CD163: variants seen among roughly 807,000 people sequenced by gnomAD.
CD163 encodes CD163 molecule.
In CD163, 64 loss-of-function variants were observed where a neutral mutation model predicts 129.2. The observed-to-expected ratio is 0.50, with a 90% confidence interval of 0.41 to 0.61. The LOEUF is 0.61. Among genes scored for constraint, CD163 ranks in the 20% least tolerant of loss-of-function variants. The probability of loss-of-function intolerance (pLI) is 0.00; values close to 1 mark genes in which losing one functional copy is unlikely to be tolerated. For missense variants in CD163, 1,061 were observed against 1,377.9 expected, an observed-to-expected ratio of 0.77 and a Z score of 3.64; for synonymous variants, 446 against 478.5, an observed-to-expected ratio of 0.93 and a Z score of 0.89.
At chr12:7,502,291 T>G (rs1024675855) in intron 2 of CD163, among the ~76,000 whole-genome samples, 187 bp downstream of exon 2, 2 of 152,260 alleles carry the variant, frequency 1.3e-5, no homozygotes, top group South Asian at 4.1e-4. Flanking sequence ...TTTCATTTGG[T>G]GAGGAACCAT....
At chr12:7,502,426 T>C in intron 2 of CD163, 52 bp downstream of exon 2, 1 of 1,169,272 alleles carries the variant, frequency 8.6e-7, no homozygotes, top group Non-Finnish European at 1.3e-6. Context: ...GCCTTTTAAC[T>C]GTTCTTGTCA....
At chr12:7,501,687 C>A (rs1193944836) in intron 2 of CD163, among the ~76,000 whole-genome samples, 2 of 152,140 alleles carry the variant, frequency 1.3e-5, no homozygotes, top group Non-Finnish European at 2.9e-5. Flanking sequence ...GTAAGTAACA[C>A]AATAGTGTTT....
At position 7,495,311 on chromosome 12, in the gene CD163, A is replaced by G; in HGVS notation, c.1190T>C (p.Val397Ala). Reference protein sequence around the residue: ...EVEIQRLLGKVCDRGWGLKEA... With the variant: ...EVEIQRLLGKACDRGWGLKEA... ...TTTCAGTCCCCAGCCTCTGTCACAC[A>G]CCTTCCCTAACAGTCTCTGAATCTC... Residue 397 changes from valine (V) to alanine (A), a missense_variant, in exon 6 of 17, where the codon GTG becomes GCG. By Grantham distance (64) the Val-to-Ala change is moderately conservative. Transcript: ENST00000432237. The G allele has an allele frequency of 1.2e-6, 2 of 1,614,098 alleles. No individual in the cohort carries two copies. The highest frequency in any genetic ancestry group is 2.2e-5 in the South Asian group (2 of 91,078).
chr12:7,483,074 T>C (rs891714520), intron 12 of CD163, 70 bp from the exon 13 acceptor site: 4 of 1,479,544 alleles, frequency 2.7e-6, no homozygotes, highest in Non-Finnish European at 3.7e-6. Flanking sequence ...CTGATTTCCT[T>C]GTCTGACCCC....
At chr12:7,479,252 T>C (rs1442801569) in intron 16 of CD163, among the ~76,000 whole-genome samples, 1 of 152,162 alleles carries the variant, frequency 6.6e-6, no homozygotes, top group African/African-American at 2.4e-5. Context: ...TCTTTGCCAA[T>C]AGTAGATTTT....
At chr12:7,500,763 G>A (rs1949473320) in intron 3 of CD163, among the ~76,000 whole-genome samples, 1 of 151,950 alleles carries the variant, frequency 6.6e-6, no homozygotes, top group Admixed American at 6.6e-5. Context: ...ATAATTTGTG[G>A]GTCAACATAT....
intron 16 of CD163, chr12:7,472,984 G>A (rs1949027844): frequency 6.6e-6 from 1 of 152,032 alleles, no homozygotes; most frequent in African/African-American, 2.4e-5. Flanking sequence ...AGTAATTGAA[G>A]ATCAACTTAC....
intron 4 of CD163, among the ~76,000 whole-genome samples, chr12:7,498,015 G>T (rs911815883): frequency 3.3e-5 from 5 of 152,116 alleles, no homozygotes; most frequent in Admixed American, 6.5e-5. Flanking sequence ...CATTGTTCAA[G>T]AACCTGAATC....
chr12:7,478,091 C>G (rs1949113150), intron 16 of CD163, among the ~76,000 whole-genome samples: 5 of 152,032 alleles, frequency 3.3e-5, no homozygotes, highest in African/African-American at 4.8e-5. Flanking sequence ...AGTCATTACT[C>G]CATCAATTGG....
Position 7,481,257 on chromosome 12 carries a change from C to T in CD163, c.3248-1G>A. 1 of 1,611,814 alleles carries T rather than the reference C, an allele frequency of 6.2e-7. No homozygotes were observed. Among genetic ancestry groups the T allele is most frequent in the Non-Finnish European group, 8.5e-7 (1 of 1,178,048 alleles). On this transcript the variant is annotated splice_acceptor_variant, in intron 14 of 16. Transcript: ENST00000432237. LOFTEE classifies it high-confidence loss of function. ...ACTAAGTTCTCTCCTCTTGAGGAAACTGAAAACAGAGATCCCTAGGTTAGG... is the reference window on the plus strand; with the variant it reads ...ACTAAGTTCTCTCCTCTTGAGGAAATTGAAAACAGAGATCCCTAGGTTAGG...
Position 7,487,996 on chromosome 12 carries a change from A to T in CD163, c.1512T>A (p.Asp504Glu). 1.9e-6 allele frequency: 3 copies of T among 1,614,146 alleles called. No individual in the cohort carries two copies. The highest frequency in any genetic ancestry group is 2.5e-6 in the Non-Finnish European group (3 of 1,180,014). The part of the protein sequence containing the change: ...KHGDTWGSIC[D>E]SDFSLEAASV... ...TGGCAGCTTCCAGAGAGAAGTCCGA[A>T]TCACAGATGGAGCCCCACGTGTCAC... Residue 504 changes from aspartate (D) to glutamate (E), a missense_variant, in exon 7 of 17, where the codon GAT becomes GAA. By Grantham distance (45) the Asp-to-Glu change is conservative (BLOSUM62 2). Coordinates refer to ENST00000432237, the MANE Select transcript of CD163 (RefSeq NM_203416.4). This position sits in a 1 kb window ranked among gnomAD's most constrained non-coding sequence, Gnocchi z 5.1.
In CD163 at chr12:7,503,627, T is replaced by A. The variant is rs776804472; in HGVS notation, c.46+18A>T. 9.6e-6 allele frequency: 15 copies of A among 1,558,652 alleles called. No homozygotes were observed. The highest frequency in any genetic ancestry group is 1.2e-5 in the Non-Finnish European group (14 of 1,134,784). On this transcript the variant is annotated intron_variant, in intron 1 of 16. Transcript: ENST00000432237. ...ACCCCATTAAAGGGGAAATGTAGAA[T>A]AAATGAGAAGCTTTTACCAGCAGAT...
At chr12:7,495,859 G>C (rs1285494522) in intron 5 of CD163, among the ~76,000 whole-genome samples, 1 of 152,188 alleles carries the variant, frequency 6.6e-6, no homozygotes, top group African/African-American at 2.4e-5. Context: ...AAATAGGAAA[G>C]CTTTTACACT....
At chr12:7,498,753 C>T (rs1949437010) in intron 4 of CD163, 115 bp downstream of exon 4, 2 of 1,003,354 alleles carry the variant, frequency 2.0e-6, no homozygotes, top group Non-Finnish European at 2.9e-6. Context: ...GGTTAAAATG[C>T]GGTGACAAAA....
rs754300066 is a variant in CD163, at chr12:7,474,938, C to T, written c.*32-3541G>A. Among the ~76,000 whole-genome samples the T allele has an allele frequency of 7.9e-5, 12 of 152,000 alleles. 1 individual carries two copies. In the East Asian group the frequency reaches 2.3e-3, roughly 29 times the overall value. On this transcript the variant is annotated intron_variant, in intron 16 of 16. Transcript: ENST00000432237. ...AAATGCAAACTACCATCAGAGAATG[C>T]TATAAACACCTCTACACAAATAAAC...
At chr12:7,480,129 T>C in intron 15 of CD163, 1 of 744,526 alleles carries the variant, frequency 1.3e-6, no homozygotes, top group Non-Finnish European at 2.1e-6. Flanking sequence ...GCAGAGAAAG[T>C]CTTTCCTATT....
intron 6 of CD163, among the ~76,000 whole-genome samples, chr12:7,490,884 A>G (rs1949318565): frequency 6.6e-6 from 1 of 152,020 alleles, no homozygotes; most frequent in Non-Finnish European, 1.5e-5. Context: ...TAACACCTCT[A>G]CAATACAAAT....
chr12:7,490,567 G>A (rs2136716641), intron 6 of CD163, among the ~76,000 whole-genome samples: 1 of 152,034 alleles, frequency 6.6e-6, no homozygotes, highest in Middle Eastern at 3.4e-3. Flanking sequence ...ATAGATACCT[G>A]CTATCAAATA....
intron 16 of CD163, 24 bp downstream of exon 16, chr12:7,479,830 AACAATG>A (rs1193851769): frequency 6.2e-7 from 1 of 1,605,672 alleles, no homozygotes. Context: ...AGCTGTTTTG[AACAATG>A]ACTAATAAAT....
Sources: allele counts gnomAD v4.1 joint callset (sites outside exome capture counted in the v4.1 genomes callset), GRCh38; gene constraint gnomAD v4.1.1; non-coding constraint Gnocchi (gnomAD v3.1); transcripts MANE v1.5; gene names NCBI Gene and HGNC (gene_info 2026-07-23, HGNC 2026-07-21).